The following APBA1 variants were observed in gnomAD, a reference collection of about 807,000 sequenced individuals.
APBA1 encodes amyloid beta precursor protein binding family A member 1.
In APBA1, 55 loss-of-function variants were observed where a neutral mutation model predicts 86.6. That is an observed-to-expected ratio of 0.64 (90% CI 0.51 to 0.80). The LOEUF is 0.80. Among genes scored for constraint, APBA1 ranks in the 30% least tolerant of loss-of-function variants. The pLI is 0.00. For missense variants in APBA1, 1,090 were observed against 1,183.0 expected (o/e 0.92, Z 1.15); for synonymous variants, 511 against 493.9 (o/e 1.03, Z -0.46).
intron 1 of APBA1, among the ~76,000 whole-genome samples, chr9:69,579,474 C>T (rs556460108): frequency 6.6e-6 from 1 of 152,266 alleles, no homozygotes; most frequent in Admixed American, 6.5e-5. Context: ...TCCTCATTTA[C>T]AATGAAGGCA....
chr9:69,654,414 AG>A, intron 1 of APBA1, among the ~76,000 whole-genome samples: 1 of 152,168 alleles, frequency 6.6e-6, no homozygotes, highest in African/African-American at 2.4e-5. Flanking sequence ...TCAGGGAGCT[AG>A]GATCACTCCA....
chr9:69,502,949 T>C (rs907631576), intron 2 of APBA1, among the ~76,000 whole-genome samples: 17 of 152,152 alleles, frequency 1.1e-4, no homozygotes, highest in Admixed American at 7.8e-4. Context: ...GATCTTCACC[T>C]TAAGTAGTAC....
At chr9:69,534,461 C>T (rs1004882502) in intron 1 of APBA1, among the ~76,000 whole-genome samples, 18 of 152,114 alleles carry the variant, frequency 1.2e-4, no homozygotes, top group African/African-American at 4.1e-4. Context: ...GACTCCGAGA[C>T]CCAAAAGATA....
chr9:69,666,161 A>G (rs1232009371), intron 1 of APBA1, among the ~76,000 whole-genome samples: 1 of 152,256 alleles, frequency 6.6e-6, no homozygotes, highest in Non-Finnish European at 1.5e-5. Context: ...AAAGCATTTT[A>G]TTGTGAATTC....
At chr9:69,616,955 A>G (rs562706801) in intron 1 of APBA1, among the ~76,000 whole-genome samples, 17 of 152,326 alleles carry the variant, frequency 1.1e-4, no homozygotes, top group South Asian at 4.1e-4. Flanking sequence ...ACATGCACAA[A>G]TGCCTGATAA....
At chr9:69,582,434 A>C (rs1440967146) in intron 1 of APBA1, among the ~76,000 whole-genome samples, 2 of 152,278 alleles carry the variant, frequency 1.3e-5, no homozygotes, top group South Asian at 2.1e-4. Context: ...AGCCTATCAA[A>C]CCAAACCACA....
intron 1 of APBA1, among the ~76,000 whole-genome samples, chr9:69,572,806 T>C (rs1185904865): frequency 6.6e-6 from 1 of 152,248 alleles, no homozygotes. Flanking sequence ...AAACAGTAGA[T>C]ACTAAGCTGT....
At chr9:69,475,966 G>A in intron 3 of APBA1, 82 bp downstream of exon 3, 1 of 1,126,760 alleles carries the variant, frequency 8.9e-7, no homozygotes, top group East Asian at 2.4e-5. Context: ...GAGCGCTGTA[G>A]GATGCTGTAT....
chr9:69,485,106 G>A (rs1320628898), intron 2 of APBA1, among the ~76,000 whole-genome samples: 1 of 151,890 alleles, frequency 6.6e-6, no homozygotes, highest in African/African-American at 2.4e-5. Context: ...GTGAGCCACT[G>A]TGGCTGGCCT....
At chr9:69,661,174 A>T (rs1823746362) in intron 1 of APBA1, among the ~76,000 whole-genome samples, 1 of 152,212 alleles carries the variant, frequency 6.6e-6, no homozygotes, top group Admixed American at 6.5e-5. Context: ...TTTGCACTAC[A>T]AGGGCAGAGT....
At chr9:69,646,648 G>A (rs549037069) in intron 1 of APBA1, among the ~76,000 whole-genome samples, 2 of 152,276 alleles carry the variant, frequency 1.3e-5, no homozygotes, top group African/African-American at 2.4e-5. Flanking sequence ...CTGCTCTCCT[G>A]CAGGTAAGTT....
Position 69,516,293 on chromosome 9 carries a change from CG to C in APBA1, c.917del (p.Pro306ArgfsTer55). On this transcript the variant is annotated frameshift_variant, in exon 2 of 13. Coordinates refer to ENST00000265381, the MANE Select transcript of APBA1 (RefSeq NM_001163.4). LOFTEE classifies it high-confidence loss of function. The surrounding 1 kb of genome is among the most constrained non-coding windows in gnomAD (Gnocchi z 7.3). ...CGGGGCTGTCGGGGCGACCCCCGGC[CG>C]GGGTAGGGGGACGCTCCAGGTCCTG... ...AEQDLERPPT[P>X]AGGRPDSPGL... 2 of 1,523,750 alleles carry C rather than the reference CG, an allele frequency of 1.3e-6. No individual in the cohort carries two copies. The highest frequency in any genetic ancestry group is 1.7e-6 in the Non-Finnish European group (2 of 1,142,954). 94.4% of individuals were successfully genotyped at this position (1,523,750 alleles called of 1,614,324 possible).
chr9:69,471,497 A>G (rs547182728), intron 4 of APBA1, among the ~76,000 whole-genome samples, 159 bp downstream of exon 4: 1 of 152,326 alleles, frequency 6.6e-6, no homozygotes, highest in South Asian at 2.1e-4. Context: ...CCCAGCTATC[A>G]TTCTTTGAGT....
At chr9:69,447,094 A>G (rs1363192332) in intron 10 of APBA1, among the ~76,000 whole-genome samples, 1 of 152,118 alleles carries the variant, frequency 6.6e-6, no homozygotes, top group African/African-American at 2.4e-5. Context: ...GCATCTTCAC[A>G]TACCAAAAGA....
intron 2 of APBA1, among the ~76,000 whole-genome samples, chr9:69,512,103 AAAAG>A (rs1260236241): frequency 1.3e-5 from 2 of 150,938 alleles, no homozygotes; most frequent in African/African-American, 4.9e-5. Context: ...TAAAAAGAAA[AAAAG>A]AAAAGAAAAG....
intron 1 of APBA1, among the ~76,000 whole-genome samples, chr9:69,640,458 A>T (rs1292212273): frequency 1.3e-5 from 2 of 152,032 alleles, no homozygotes; most frequent in African/African-American, 2.4e-5. Context: ...ACATTTGGAA[A>T]ATTAAAAAAA....
At chr9:69,601,752 G>C (rs1273920050) in intron 1 of APBA1, among the ~76,000 whole-genome samples, 1 of 152,224 alleles carries the variant, frequency 6.6e-6, no homozygotes, top group Non-Finnish European at 1.5e-5. Flanking sequence ...TCACATTGCA[G>C]TCTCCTTTGG....
At chr9:69,535,158 AG>A (rs1229716356) in intron 1 of APBA1, among the ~76,000 whole-genome samples, 1 of 152,206 alleles carries the variant, frequency 6.6e-6, no homozygotes, top group Non-Finnish European at 1.5e-5. Context: ...AACTCAATAA[AG>A]AACCATTACT....
Position 69,515,335 on chromosome 9 carries a change from T to A in APBA1, c.1200+676A>T, listed in dbSNP as rs117787812. 1.2e-4 allele frequency among the ~76,000 whole-genome samples: 18 copies of A among 152,170 alleles called. No individual in the cohort carries two copies. The East Asian group carries it at 3.3e-3, about 28-fold the overall frequency. On this transcript the variant is annotated intron_variant, in intron 2 of 12. Coordinates refer to ENST00000265381, the MANE Select transcript of APBA1 (RefSeq NM_001163.4). ...CCAGGTGCGTGAACTTTGGCCAGCA[T>A]ACAACCACTCCTGAGAAAACGCTGG...
Sources: allele counts gnomAD v4.1 joint callset (sites outside exome capture counted in the v4.1 genomes callset), GRCh38; gene constraint gnomAD v4.1.1; non-coding constraint Gnocchi (gnomAD v3.1); transcripts MANE v1.5; gene names NCBI Gene and HGNC (gene_info 2026-07-23, HGNC 2026-07-21).